The following LATS2 variants were observed in gnomAD, a reference collection of about 807,000 sequenced individuals.
The protein encoded by LATS2 is large tumor suppressor kinase 2.
LATS2 carries 24 observed loss-of-function variants against 76.0 expected under a neutral mutation model. The observed-to-expected ratio is 0.32, with a 90% confidence interval of 0.23 to 0.44. LATS2 has a LOEUF of 0.44. Among genes scored for constraint, LATS2 ranks in the 20% least tolerant of loss-of-function variants. The probability of loss-of-function intolerance (pLI) is 1.00; values close to 1 mark genes in which losing one functional copy is unlikely to be tolerated. For synonymous variants in LATS2, 692 were observed against 635.4 expected, an observed-to-expected ratio of 1.09 and a Z score of -1.34; for missense variants, 1,286 against 1,481.2, an observed-to-expected ratio of 0.87 and a Z score of 2.16.
chr13:21,025,413 A>AAAAC lies in LATS2; in HGVS notation c.342+20271_342+20272insGTTT, dbSNP rs367560172. 1.4e-4 allele frequency among the ~76,000 whole-genome samples: 20 copies of AAAAC among 140,274 alleles called. 2 individuals carry two copies. Among genetic ancestry groups the AAAAC allele is most frequent in the African/African-American group, 2.5e-4 (9 of 36,134 alleles). The allele number at this position is 140,274 out of a possible 152,430, so 92.0% of individuals were successfully genotyped here. ...GTCTCCAAAAAAAAAAAAAAAAAAA[A>AAAAC]ATTATGGTCATGAGTGAGGAAGAGT... On this transcript the variant is annotated intron_variant, in intron 2 of 7. Coordinates refer to ENST00000382592, the MANE Select transcript of LATS2 (RefSeq NM_014572.3).
rs756666534 is a variant in LATS2, at chr13:21,045,816, C to T, written c.211G>A (p.Gly71Arg). 1.4e-5 allele frequency: 22 copies of T among 1,614,178 alleles called. No homozygotes were observed. Among genetic ancestry groups the T allele is most frequent in the South Asian group, 6.6e-5 (6 of 91,086 alleles). The change falls in exon 2 of 8, where the codon GGA becomes AGA. Residue 71 changes from glycine (G) to arginine (R), a missense_variant. This residue lies in a region of LATS2 where 101 missense variants were observed against 141.4 expected (regional missense o/e 0.71). Coordinates refer to ENST00000382592, the MANE Select transcript of LATS2 (RefSeq NM_014572.3). ...QQQMRATPKFGPYQKALREIR... is the reference protein window; with the variant it reads ...QQQMRATPKFRPYQKALREIR... ...TCCCTCAAGGCTTTCTGATAAGGTC[C>T]GAACTTTGGGGTGGCTCTCATCTGC...
intron 2 of LATS2, among the ~76,000 whole-genome samples, chr13:21,033,980 G>A (rs1264298757): frequency 1.3e-5 from 2 of 151,982 alleles, no homozygotes; most frequent in Admixed American, 6.6e-5. Flanking sequence ...GGGACCAGTC[G>A]CACCCAGGCT....
chr13:21,023,646 TAAAAAAAAAAAA>T (rs1169391710), intron 2 of LATS2, among the ~76,000 whole-genome samples: 4 of 70,076 alleles, frequency 5.7e-5, no homozygotes, highest in African/African-American at 3.0e-4. Context: ...TGACTGGCTT[TAAAAAAAAAAAA>T]AAAAAAAAAA....
intron 2 of LATS2, among the ~76,000 whole-genome samples, chr13:21,041,162 C>T (rs1487626879): frequency 1.3e-5 from 2 of 152,088 alleles, no homozygotes; most frequent in Non-Finnish European, 2.9e-5. Context: ...TTAGTACAGA[C>T]AGGGTTTCAC....
intron 2 of LATS2, among the ~76,000 whole-genome samples, chr13:20,993,922 C>T (rs1870625370): frequency 6.6e-6 from 1 of 152,186 alleles, no homozygotes; most frequent in South Asian, 2.1e-4. Flanking sequence ...CAAGCCTTTC[C>T]ATCAGCACTA....
chr13:21,004,840 GTA>G (rs1179739271), intron 2 of LATS2, among the ~76,000 whole-genome samples: 5 of 152,156 alleles, frequency 3.3e-5, no homozygotes, highest in African/African-American at 1.2e-4. Flanking sequence ...AGGACAACAG[GTA>G]CACTAAAATT....
At chr13:21,031,333 T>G (rs1010781747) in intron 2 of LATS2, among the ~76,000 whole-genome samples, 1 of 152,350 alleles carries the variant, frequency 6.6e-6, no homozygotes, top group Admixed American at 6.5e-5. Context: ...TCACATATAC[T>G]GGACAACCTC....
chr13:21,000,077 T>A (rs1004765387), intron 2 of LATS2, among the ~76,000 whole-genome samples: 8 of 151,760 alleles, frequency 5.3e-5, no homozygotes, highest in Non-Finnish European at 7.4e-5. Flanking sequence ...AGCACCAAAA[T>A]AAAATAAAAA....
intron 1 of LATS2, among the ~76,000 whole-genome samples, chr13:21,054,651 T>C (rs1000295308): frequency 6.6e-6 from 1 of 152,126 alleles, no homozygotes; most frequent in African/African-American, 2.4e-5. Flanking sequence ...AATAGTAAAA[T>C]CAACCAGGGC....
intron 7 of LATS2, among the ~76,000 whole-genome samples, chr13:20,978,527 C>T (rs1469793460): frequency 4.6e-5 from 7 of 152,066 alleles, no homozygotes; most frequent in Admixed American, 1.3e-4. Flanking sequence ...TGACAGTTTG[C>T]GAACAATGAT....
chr13:21,023,396 A>G (rs1872151159), intron 2 of LATS2, among the ~76,000 whole-genome samples: 1 of 151,770 alleles, frequency 6.6e-6, no homozygotes, highest in Admixed American at 6.6e-5. Context: ...CTTGGTTCTT[A>G]AAAGTTGGAA....
chr13:21,031,451 C>G (rs1227618989), intron 2 of LATS2, among the ~76,000 whole-genome samples: 10 of 152,066 alleles, frequency 6.6e-5, no homozygotes, highest in Admixed American at 6.6e-4. Context: ...TTTCTACTGC[C>G]GTACCTAATG....
intron 2 of LATS2, among the ~76,000 whole-genome samples, chr13:21,023,667 AAAAAAAAAAAAAAAAAC>A (rs541898683): frequency 0.53 from 58,285 of 110,678 alleles, 20,824 homozygotes; most frequent in Non-Finnish European, 0.69. Flanking sequence ...AAAAAAAAAA[AAAAAAAAAAAAAAAAAC>A]AAACCTCGGC....
chr13:21,009,549 A>T (rs1439475064), intron 2 of LATS2, among the ~76,000 whole-genome samples: 1 of 152,256 alleles, frequency 6.6e-6, no homozygotes, highest in Non-Finnish European at 1.5e-5. Flanking sequence ...AAATGTAGGT[A>T]ACAAACACAT....
chr13:20,989,176 T>TGGGGCCGTC lies in LATS2; in HGVS notation c.595_603dup (p.Asp199_Pro201dup), dbSNP rs1870392088. ...GGCCGCGGCATCTCCTCCAGCGCCG[T>TGGGGCCGTC]GGGGCCGTCAGCGCCGAAGCTTGGG... On this transcript the variant is annotated inframe_insertion, in exon 4 of 8. Transcript: ENST00000382592. The TGGGGCCGTC allele has an allele frequency of 2.5e-6, 4 of 1,613,262 alleles. No homozygotes were observed. The highest frequency in any genetic ancestry group is 2.5e-6 in the Non-Finnish European group (3 of 1,179,916).
rs141572216 is a variant in LATS2 at position 20,999,320 on chromosome 13, C to T, written c.343-7916G>A. Among the ~76,000 whole-genome samples the T allele has an allele frequency of 2.5e-3, 377 of 152,286 alleles. 4 individuals are homozygous for T. The highest frequency in any genetic ancestry group is 7.1e-3 in the African/African-American group (297 of 41,562). The stretch of plus-strand genomic sequence containing the variant: ...GACACACGCCCGGAAGACACCTGCT[C>T]GGCACATACAGGTACAAACCATACG... On this transcript the variant is annotated intron_variant, in intron 2 of 7. Coordinates refer to ENST00000382592, the MANE Select transcript of LATS2 (RefSeq NM_014572.3).
intron 2 of LATS2, among the ~76,000 whole-genome samples, chr13:21,018,328 C>A (rs962515441): frequency 6.6e-6 from 1 of 152,176 alleles, no homozygotes; most frequent in Non-Finnish European, 1.5e-5. Context: ...GGGTGTTGGG[C>A]GAGGTATGTG....
chr13:21,021,419 A>G (rs1457077202), intron 2 of LATS2, among the ~76,000 whole-genome samples: 13 of 130,332 alleles, frequency 1.0e-4, no homozygotes. Flanking sequence ...GTTGTAGTGA[A>G]CTGGGATTGT....
intron 1 of LATS2, among the ~76,000 whole-genome samples, chr13:21,047,645 G>C (rs17061850): frequency 6.6e-6 from 1 of 151,774 alleles, no homozygotes; most frequent in East Asian, 1.9e-4. Context: ...TTTAGCTTCC[G>C]TAAGGAACTT....
Sources: gnomAD v4.1 joint callset for allele counts (sites outside exome capture counted in the v4.1 genomes callset) on GRCh38, gnomAD v4.1.1 for gene constraint, gnomAD v4.1.1 regional missense constraint, MANE v1.5 for transcripts, NCBI Gene and HGNC (gene_info 2026-07-23, HGNC 2026-07-21) for gene names.